Variants in CHN2 observed in about 807,000 individuals in gnomAD.
The protein encoded by CHN2 is beta-chimaerin.
In CHN2, 35 loss-of-function variants were observed where a neutral mutation model predicts 56.3. The observed-to-expected ratio is 0.62, with a 90% CI of 0.47 to 0.82. The LOEUF (loss-of-function observed/expected upper bound fraction) is 0.82. Among genes scored for constraint, CHN2 ranks in the 40% least tolerant of loss-of-function variants. CHN2 has a pLI of 0.00. For missense variants in CHN2, 491 were observed against 580.5 expected (o/e 0.85, Z 1.58); for synonymous variants, 210 against 212.8 (o/e 0.99, Z 0.12).
chr7:29,341,049 G>A lies in CHN2; in HGVS notation c.50-13576G>A, dbSNP rs952067539. Among the ~76,000 whole-genome samples the A allele has an allele frequency of 2.6e-5, 4 of 152,166 alleles. No individual in the cohort carries two copies. In the East Asian group the frequency reaches 5.8e-4, roughly 22 times the overall value. ...CTCTATATTCACAGATGGGAAAACC[G>A]AGGCCCATGTGGGTCAAGGTTGAGG... On this transcript the variant is annotated intron_variant, in intron 1 of 12. Coordinates refer to ENST00000222792, the MANE Select transcript of CHN2 (RefSeq NM_004067.4).
At chr7:29,300,286 G>A (rs548530875) in intron 1 of CHN2, among the ~76,000 whole-genome samples, 4 of 152,252 alleles carry the variant, frequency 2.6e-5, no homozygotes, top group South Asian at 2.1e-4. Context: ...AGCCTTCAGG[G>A]CATTTCAGAA....
At chr7:29,367,074 C>CT (rs1554280499) in intron 2 of CHN2, among the ~76,000 whole-genome samples, 8 of 151,566 alleles carry the variant, frequency 5.3e-5, no homozygotes, top group Admixed American at 3.3e-4. Flanking sequence ...AGAACATCAA[C>CT]TTTTTTTTTC....
Position 29,398,379 on chromosome 7 carries a change from T to C in CHN2, c.183T>C (p.His61=), listed in dbSNP as rs1179071642. Reference sequence around the variant, plus strand: ...GATGGTCTTGTACCTTCAGGTTTCATGGGATCATCTCTCGGGAGCAGGCGG... The same window carrying C: ...GATGGTCTTGTACCTTCAGGTTTCACGGGATCATCTCTCGGGAGCAGGCGG... ...NRPKYYGREF[H]GIISREQADE... is the part of the protein sequence containing the mutation. Residue 61 remains histidine (H), a synonymous_variant, in exon 5 of 13, where the codon CAT becomes CAC. Transcript: ENST00000222792. 6.2e-7 allele frequency: 1 copy of C among 1,611,922 alleles called. No homozygotes were observed. Among genetic ancestry groups the C allele is most frequent in the Non-Finnish European group, 8.5e-7 (1 of 1,178,828 alleles).
chr7:29,453,687 T>C (rs1350289648), intron 6 of CHN2, among the ~76,000 whole-genome samples: 2 of 152,158 alleles, frequency 1.3e-5, no homozygotes, highest in African/African-American at 4.8e-5. Context: ...GAAACCTAAC[T>C]AGGTCATTCC....
intron 6 of CHN2, among the ~76,000 whole-genome samples, chr7:29,477,190 G>A (rs767484435): frequency 1.1e-4 from 16 of 152,108 alleles, no homozygotes; most frequent in Non-Finnish European, 1.5e-4. Flanking sequence ...AGTAATGCTC[G>A]CTCAAAGGCT....
At chr7:29,269,274 C>T (rs570349876) in intron 1 of CHN2, among the ~76,000 whole-genome samples, 29 of 152,226 alleles carry the variant, frequency 1.9e-4, no homozygotes, top group Non-Finnish European at 4.1e-4. Context: ...TTTTTTTTAG[C>T]TCTCACATAT....
chr7:29,459,834 G>T (rs1015858474), intron 6 of CHN2, among the ~76,000 whole-genome samples: 1 of 152,182 alleles, frequency 6.6e-6, no homozygotes, highest in Admixed American at 6.5e-5. Context: ...AGCCCGAAAA[G>T]CTTGTCTATC....
chr7:29,221,394 G>T (rs1263366166), intron 1 of CHN2, among the ~76,000 whole-genome samples: 1 of 152,120 alleles, frequency 6.6e-6, no homozygotes, highest in Non-Finnish European at 1.5e-5. Flanking sequence ...ATTCAAAAAT[G>T]AAATTTTAAA....
chr7:29,289,739 G>C (rs1792439096), intron 1 of CHN2, among the ~76,000 whole-genome samples: 1 of 152,182 alleles, frequency 6.6e-6, no homozygotes, highest in Non-Finnish European at 1.5e-5. Context: ...ATAGGGTGTT[G>C]ACTTTGCCTA....
intron 8 of CHN2, among the ~76,000 whole-genome samples, chr7:29,499,475 G>C (rs1789697613): frequency 6.6e-6 from 1 of 152,166 alleles, no homozygotes. Context: ...TTAAAGGAAA[G>C]AGTCTGGAAC....
At chr7:29,415,313 A>G (rs999829581) in intron 6 of CHN2, among the ~76,000 whole-genome samples, 19 of 152,348 alleles carry the variant, frequency 1.2e-4, no homozygotes, top group African/African-American at 4.3e-4. Flanking sequence ...GAATGAAGCC[A>G]TGGAAGAAAG....
At chr7:29,391,202 C>T (rs916626671) in intron 3 of CHN2, among the ~76,000 whole-genome samples, 1 of 152,132 alleles carries the variant, frequency 6.6e-6, no homozygotes, top group Admixed American at 6.5e-5. Flanking sequence ...TGGCCAACCA[C>T]ATCCTCTATC....
intron 1 of CHN2, among the ~76,000 whole-genome samples, chr7:29,270,288 G>A (rs556871612): frequency 6.6e-6 from 1 of 152,164 alleles, no homozygotes; most frequent in East Asian, 1.9e-4. Context: ...TTCTAGAAAA[G>A]CTCATGCACT....
intron 1 of CHN2, among the ~76,000 whole-genome samples, chr7:29,251,632 A>G (rs1788530379): frequency 6.6e-6 from 1 of 152,212 alleles, no homozygotes. Flanking sequence ...CTTACACAGA[A>G]TTTCAGAGAG....
chr7:29,354,765 C>A, intron 2 of CHN2, 102 bp downstream of exon 2: 1 of 1,045,240 alleles, frequency 9.6e-7, no homozygotes, highest in South Asian at 1.4e-5. Context: ...TCCCACCTCA[C>A]AGCACTGAAA....
At chr7:29,405,161 C>CCACACA (rs1429739362) in intron 6 of CHN2, among the ~76,000 whole-genome samples, 7 of 49,864 alleles carry the variant, frequency 1.4e-4, no homozygotes, top group South Asian at 6.1e-4. Context: ...GCTTATGTCA[C>CCACACA]CATACACACA....
intron 6 of CHN2, among the ~76,000 whole-genome samples, chr7:29,442,908 C>A (rs182602356): frequency 1.3e-5 from 2 of 148,600 alleles, no homozygotes; most frequent in Non-Finnish European, 3.0e-5. Context: ...CACTTAATCC[C>A]CATCGCTTTC....
At chr7:29,264,319 A>G (rs894436848) in intron 1 of CHN2, among the ~76,000 whole-genome samples, 1 of 152,228 alleles carries the variant, frequency 6.6e-6, no homozygotes, top group South Asian at 2.1e-4. Context: ...GGTGTACCCA[A>G]CAGCTCATTG....
intron 7 of CHN2, among the ~76,000 whole-genome samples, chr7:29,482,265 A>G (rs1262086632): frequency 6.6e-6 from 1 of 152,220 alleles, no homozygotes; most frequent in Non-Finnish European, 1.5e-5. Flanking sequence ...TTAAACAGAC[A>G]TCTTTGAAAC....
Sources: gnomAD v4.1 joint callset for allele counts (sites outside exome capture counted in the v4.1 genomes callset) on GRCh38, gnomAD v4.1.1 for gene constraint, MANE v1.5 for transcripts, NCBI Gene and HGNC (gene_info 2026-07-23, HGNC 2026-07-21) for gene names.